Variants in EPHA6 observed in about 807,000 individuals in gnomAD.
EPHA6 encodes ephrin type-A receptor 6.
Under a neutral mutation model 112.0 loss-of-function variants are expected in EPHA6, and 50 were observed. That is an observed-to-expected ratio of 0.45 (90% CI 0.36 to 0.56). The LOEUF (loss-of-function observed/expected upper bound fraction) is 0.56, where lower values mean the gene tolerates loss of function less well. Ranked by LOEUF, EPHA6 falls within the 20% of genes least tolerant of loss-of-function variation. The pLI, the probability that EPHA6 is intolerant of heterozygous loss-of-function variation, is 0.00. For synonymous variants in EPHA6, 529 were observed against 490.7 expected, an observed-to-expected ratio of 1.08 and a Z score of -1.03; for missense variants, 1,280 against 1,417.4, an observed-to-expected ratio of 0.90 and a Z score of 1.56.
intron 1 of EPHA6, among the ~76,000 whole-genome samples, chr3:96,862,306 T>A (rs1219506103): frequency 6.6e-6 from 1 of 151,910 alleles, no homozygotes; most frequent in Non-Finnish European, 1.5e-5. Flanking sequence ...AAACCTCTAC[T>A]GATGTGCTGT....
intron 3 of EPHA6, among the ~76,000 whole-genome samples, chr3:97,222,493 C>G (rs1276241447): frequency 1.3e-5 from 2 of 152,040 alleles, no homozygotes; most frequent in East Asian, 3.9e-4. Context: ...GGAGTAATAT[C>G]CAAGTTCACA....
intron 4 of EPHA6, among the ~76,000 whole-genome samples, chr3:97,227,374 C>T (rs1232554858): frequency 6.6e-6 from 1 of 151,996 alleles, no homozygotes; most frequent in Non-Finnish European, 1.5e-5. Context: ...GCATACACCC[C>T]CACGCCCAGC....
intron 3 of EPHA6, among the ~76,000 whole-genome samples, chr3:96,990,507 A>T (rs552215665): frequency 3.9e-5 from 6 of 152,302 alleles, no homozygotes; most frequent in South Asian, 4.1e-4. Flanking sequence ...CCTCAAAATC[A>T]GGTGTTTTTT....
chr3:97,607,454 G>T (rs1207271171), intron 12 of EPHA6, among the ~76,000 whole-genome samples: 1 of 151,024 alleles, frequency 6.6e-6, no homozygotes, highest in Non-Finnish European at 1.5e-5. Flanking sequence ...ATGATAAGGG[G>T]TTTTTGCAAT....
At chr3:97,189,724 A>G (rs953465617) in intron 3 of EPHA6, among the ~76,000 whole-genome samples, 4 of 152,110 alleles carry the variant, frequency 2.6e-5, no homozygotes, top group Non-Finnish European at 4.4e-5. Context: ...AAGCTTAGAA[A>G]CATACTTGGT....
chr3:97,254,165 T>C (rs2079230322), intron 5 of EPHA6, among the ~76,000 whole-genome samples: 1 of 152,058 alleles, frequency 6.6e-6, no homozygotes, highest in East Asian at 1.9e-4. Flanking sequence ...CTCAAATATA[T>C]ATATATATAT....
At chr3:97,535,836 T>C (rs976482994) in intron 11 of EPHA6, among the ~76,000 whole-genome samples, 1 of 152,142 alleles carries the variant, frequency 6.6e-6, no homozygotes, top group Non-Finnish European at 1.5e-5. Context: ...TACAAATTCT[T>C]AATATGCATT....
rs192657368 is a variant in EPHA6 at position 97,310,403 on chromosome 3, T to G, written c.1606+66116T>G. 2.8e-4 allele frequency among the ~76,000 whole-genome samples: 43 copies of G among 151,116 alleles called. 1 individual carries two copies. Among genetic ancestry groups the G allele is most frequent in the Admixed American group, 2.1e-3 (31 of 15,094 alleles). The stretch of plus-strand genomic sequence containing the variant: ...TTTGGGAAAGAGACTGAGATGAAAA[T>G]GAATTTCATGAAGTATACCTGAGTC... On this transcript the variant is annotated intron_variant, in intron 5 of 17. Coordinates refer to ENST00000389672, the MANE Select transcript of EPHA6 (RefSeq NM_001080448.3).
chr3:97,742,522 CTTA>C (rs2035548127), intron 16 of EPHA6, among the ~76,000 whole-genome samples: 1 of 152,032 alleles, frequency 6.6e-6, no homozygotes, highest in South Asian at 2.1e-4. Context: ...AGTTATCAGC[CTTA>C]TTATGTTTAA....
chr3:97,493,170 A>G (rs1442011246), intron 10 of EPHA6, among the ~76,000 whole-genome samples: 2 of 151,988 alleles, frequency 1.3e-5, no homozygotes, highest in Non-Finnish European at 2.9e-5. Context: ...GTGTGTATGT[A>G]TACATACGTA....
intron 14 of EPHA6, among the ~76,000 whole-genome samples, chr3:97,688,996 T>G (rs548035624): frequency 6.6e-6 from 1 of 152,310 alleles, no homozygotes; most frequent in South Asian, 2.1e-4. Flanking sequence ...TCAATATAGT[T>G]TTACCTTTCT....
chr3:97,411,170 T>C (rs934692491), intron 6 of EPHA6, among the ~76,000 whole-genome samples: 3 of 151,972 alleles, frequency 2.0e-5, no homozygotes, highest in Admixed American at 1.3e-4. Flanking sequence ...AATTTACTGA[T>C]ACAAACACTC....
At chr3:96,852,201 G>A (rs1302077326) in intron 1 of EPHA6, among the ~76,000 whole-genome samples, 6 of 152,030 alleles carry the variant, frequency 3.9e-5, no homozygotes, top group Non-Finnish European at 5.9e-5. Context: ...GCTACATCAA[G>A]AGGGTGTTTG....
chr3:97,091,895 T>G (rs1351212177), intron 3 of EPHA6, among the ~76,000 whole-genome samples: 12 of 152,006 alleles, frequency 7.9e-5, no homozygotes, highest in Admixed American at 7.9e-4. Flanking sequence ...CATGTCTGTA[T>G]CTTCTAAGTT....
At chr3:97,475,003 AAAT>A (rs2091329341) in intron 7 of EPHA6, among the ~76,000 whole-genome samples, 1 of 152,106 alleles carries the variant, frequency 6.6e-6, no homozygotes, top group Non-Finnish European at 1.5e-5. Flanking sequence ...GTTTAAGAGG[AAAT>A]ACAGTGAGCA....
chr3:96,982,308 A>G (rs868054703), intron 2 of EPHA6, among the ~76,000 whole-genome samples: 12 of 152,058 alleles, frequency 7.9e-5, no homozygotes, highest in Admixed American at 1.3e-4. Flanking sequence ...TCATTTTGTT[A>G]TGTACTCAGT....
intron 7 of EPHA6, among the ~76,000 whole-genome samples, chr3:97,468,770 A>G (rs966674760): frequency 6.6e-6 from 1 of 151,704 alleles, no homozygotes; most frequent in Admixed American, 6.6e-5. Flanking sequence ...TTTTATCCTT[A>G]TATTTAGAAT....
At chr3:96,980,504 C>G (rs531787465) in intron 2 of EPHA6, among the ~76,000 whole-genome samples, 12 of 152,290 alleles carry the variant, frequency 7.9e-5, no homozygotes, top group Non-Finnish European at 1.3e-4. Flanking sequence ...CAGCTTTGTT[C>G]TTTTGGCTTA....
At chr3:97,365,402 T>A (rs2084659798) in intron 5 of EPHA6, among the ~76,000 whole-genome samples, 1 of 152,094 alleles carries the variant, frequency 6.6e-6, no homozygotes, top group Admixed American at 6.6e-5. Context: ...AAGACTTTTT[T>A]TTTTTTGAGA....
Sources: gnomAD v4.1 joint callset for allele counts (sites outside exome capture counted in the v4.1 genomes callset) on GRCh38, gnomAD v4.1.1 for gene constraint, MANE v1.5 for transcripts, NCBI Gene and HGNC (gene_info 2026-07-23, HGNC 2026-07-21) for gene names.